The following DENND1B variants were observed in gnomAD, a reference collection of about 807,000 sequenced individuals.
The protein encoded by DENND1B is DENN domain-containing protein 1B.
Under a neutral mutation model 90.1 loss-of-function variants are expected in DENND1B, and 59 were observed. That is an observed-to-expected ratio of 0.65 (90% CI 0.53 to 0.81). DENND1B has a LOEUF of 0.81. DENND1B is among the 40% of genes least tolerant of loss of function. DENND1B has a pLI of 0.00. For missense variants in DENND1B, 862 were observed against 912.6 expected, an observed-to-expected ratio of 0.94 and a Z score of 0.71; for synonymous variants, 337 against 324.6, an observed-to-expected ratio of 1.04 and a Z score of -0.41.
chr1:197,700,714 A>C (rs1366789278), intron 3 of DENND1B, among the ~76,000 whole-genome samples: 5 of 152,226 alleles, frequency 3.3e-5, no homozygotes, highest in African/African-American at 1.2e-4. Context: ...TCTAATATCC[A>C]GAATTTACAA....
intron 20 of DENND1B, among the ~76,000 whole-genome samples, chr1:197,534,248 A>G (rs1475861443): frequency 2.0e-5 from 3 of 152,184 alleles, no homozygotes; most frequent in Non-Finnish European, 4.4e-5. Flanking sequence ...TATTATTTCC[A>G]CTTGTACCTG....
chr1:197,639,419 G>T (rs1680083259), intron 10 of DENND1B, among the ~76,000 whole-genome samples: 1 of 152,104 alleles, frequency 6.6e-6, no homozygotes, highest in Non-Finnish European at 1.5e-5. Flanking sequence ...CCTCAAGCTA[G>T]CTGATTCTCT....
intron 2 of DENND1B, among the ~76,000 whole-genome samples, chr1:197,751,409 T>C (rs1346970673): frequency 1.3e-5 from 2 of 152,102 alleles, no homozygotes. Flanking sequence ...ATATCCAAAT[T>C]TGTAGGACAC....
chr1:197,781,023 T>C, the DENND1B span, among the ~76,000 whole-genome samples: 3 of 152,148 alleles, frequency 2.0e-5, no homozygotes, highest in Admixed American at 6.5e-5. Context: ...CTTGTAGTAA[T>C]ATGCCTTAAA....
chr1:197,698,679 AAAG>A (rs1658705343), intron 3 of DENND1B, among the ~76,000 whole-genome samples: 1 of 152,226 alleles, frequency 6.6e-6, no homozygotes, highest in East Asian at 1.9e-4. Context: ...CTAGACTAAT[AAAG>A]AAGGGAGAAG....
intron 20 of DENND1B, among the ~76,000 whole-genome samples, chr1:197,529,226 A>G (rs1669393195): frequency 5.2e-5 from 1 of 19,216 alleles, no homozygotes; most frequent in African/African-American, 1.1e-4. Flanking sequence ...ATATATATAT[A>G]TATATATATA....
chr1:197,530,925 T>C (rs930605972), intron 20 of DENND1B, among the ~76,000 whole-genome samples: 11 of 152,198 alleles, frequency 7.2e-5, no homozygotes, highest in Non-Finnish European at 1.5e-5. Flanking sequence ...CTAAACTCCA[T>C]ATCCTTATTT....
intron 20 of DENND1B, among the ~76,000 whole-genome samples, chr1:197,534,388 T>C (rs1320013090): frequency 6.6e-6 from 1 of 152,210 alleles, no homozygotes; most frequent in Non-Finnish European, 1.5e-5. Context: ...ACTAAATTTC[T>C]GTCTTCCAAA....
At chr1:197,656,083 C>T (rs973547717) in intron 6 of DENND1B, among the ~76,000 whole-genome samples, 9 of 152,036 alleles carry the variant, frequency 5.9e-5, no homozygotes, top group South Asian at 2.1e-4. Flanking sequence ...GACTATGAAG[C>T]GATTGTAAGC....
At chr1:197,769,914 T>C (rs1193215558) in intron 2 of DENND1B, among the ~76,000 whole-genome samples, 1 of 152,164 alleles carries the variant, frequency 6.6e-6, no homozygotes. Flanking sequence ...AAGTAGAACA[T>C]TGATAAAATA....
Position 197,539,967 on chromosome 1 carries a change from A to G in DENND1B, c.1512T>C (p.Ala504=). 1 of 1,610,466 alleles carries G rather than the reference A, an allele frequency of 6.2e-7. No individual in the cohort carries two copies. Among genetic ancestry groups the G allele is most frequent in the Non-Finnish European group, 8.5e-7 (1 of 1,177,196 alleles). The stretch of plus-strand genomic sequence containing the variant: ...AAGGGTAAATAACCTTACTTACCTG[A>G]GCAAGCTTACGCTTTTCTGAGTTTC... ...KGGNSEKRKL[A]QARLKRPLKS... The change falls in exon 20 of 23, where the codon GCT becomes GCC. Residue 504 remains alanine (A), a synonymous_variant. Coordinates refer to ENST00000620048, the MANE Select transcript of DENND1B (RefSeq NM_001195215.2).
At chr1:197,747,045 G>A in intron 2 of DENND1B, 2 of 802,352 alleles carry the variant, frequency 2.5e-6, no homozygotes, top group Non-Finnish European at 4.5e-6. Flanking sequence ...ATCAATCATT[G>A]ACTCCAAAAT....
chr1:197,591,849 G>A (rs767632104), intron 14 of DENND1B, among the ~76,000 whole-genome samples: 3 of 151,924 alleles, frequency 2.0e-5, no homozygotes, highest in Non-Finnish European at 4.4e-5. Context: ...GGTAGCTCAC[G>A]CCTGTAATCC....
chr1:197,627,949 C>T (rs1433669890), intron 10 of DENND1B, among the ~76,000 whole-genome samples: 2 of 152,030 alleles, frequency 1.3e-5, no homozygotes, highest in Admixed American at 6.6e-5. Context: ...AATAAAATAC[C>T]TAGGAATCCA....
intron 18 of DENND1B, among the ~76,000 whole-genome samples, chr1:197,543,154 C>CA (rs1392036755): frequency 6.6e-6 from 1 of 152,082 alleles, no homozygotes; most frequent in Non-Finnish European, 1.5e-5. Flanking sequence ...AGGCTGGTCT[C>CA]AAACTCCTGA....
chr1:197,595,454 GATAGCTTATCT>G, intron 13 of DENND1B, 121 bp from the exon 14 acceptor site: 1 of 1,238,248 alleles, frequency 8.1e-7, no homozygotes, highest in Admixed American at 2.4e-5. Context: ...CCTCCTCCCT[GATAGCTTATCT>G]TTTTAACTGC....
intron 16 of DENND1B, among the ~76,000 whole-genome samples, chr1:197,550,752 T>C (rs1671167420): frequency 1.3e-5 from 2 of 151,450 alleles, no homozygotes; most frequent in Admixed American, 6.6e-5. Context: ...ACATGGCACA[T>C]GTATACATAT....
At chr1:197,624,653 C>T (rs1204084689) in intron 10 of DENND1B, among the ~76,000 whole-genome samples, 1 of 151,864 alleles carries the variant, frequency 6.6e-6, no homozygotes, top group African/African-American at 2.4e-5. Context: ...AGCAACGGAA[C>T]AAAGCTGGAT....
chr1:197,771,541 A>C (rs1571700622), intron 2 of DENND1B, among the ~76,000 whole-genome samples: 1 of 152,228 alleles, frequency 6.6e-6, no homozygotes, highest in East Asian at 1.9e-4. Context: ...CAGATAGACC[A>C]GGAGTACAGT....
Sources: gnomAD v4.1 joint callset for allele counts (sites outside exome capture counted in the v4.1 genomes callset) on GRCh38, gnomAD v4.1.1 for gene constraint, MANE v1.5 for transcripts, NCBI Gene and HGNC (gene_info 2026-07-23, HGNC 2026-07-21) for gene names.